Variants in DNM3 observed in about 807,000 individuals in gnomAD.
DNM3 encodes the protein dynamin 3.
DNM3 carries 47 observed loss-of-function variants against 101.6 expected under a neutral mutation model. The ratio of observed to expected loss-of-function variants is 0.46; its 90% CI spans 0.37 to 0.59. The LOEUF is 0.59. Among genes scored for constraint, DNM3 ranks in the 20% least tolerant of loss-of-function variants. The probability of loss-of-function intolerance (pLI) is 0.00; values close to 1 mark genes in which losing one functional copy is unlikely to be tolerated. For synonymous variants in DNM3, 385 were observed against 387.9 expected, an observed-to-expected ratio of 0.99 and a Z score of 0.09; for missense variants, 849 against 1,085.7, an observed-to-expected ratio of 0.78 and a Z score of 3.06.
intron 1 of DNM3, among the ~76,000 whole-genome samples, chr1:171,897,289 C>G (rs1057496163): frequency 6.6e-6 from 1 of 152,172 alleles, no homozygotes; most frequent in Non-Finnish European, 1.5e-5. Context: ...GAACACCAAA[C>G]AAAGTTTTCA....
chr1:172,334,246 G>A (rs2066320000), intron 17 of DNM3, among the ~76,000 whole-genome samples: 1 of 152,104 alleles, frequency 6.6e-6, no homozygotes, highest in African/African-American at 2.4e-5. Flanking sequence ...AATTTAAGTG[G>A]AGCCATCATA....
chr1:172,066,969 TGTG>T (rs1385237554), intron 10 of DNM3, among the ~76,000 whole-genome samples: 2 of 151,852 alleles, frequency 1.3e-5, no homozygotes, highest in Non-Finnish European at 2.9e-5. Flanking sequence ...TGTGTGTGTG[TGTG>T]TGTTTGTGTG....
intron 1 of DNM3, among the ~76,000 whole-genome samples, chr1:171,857,716 T>G (rs1206460457): frequency 2.0e-5 from 3 of 152,220 alleles, no homozygotes; most frequent in Admixed American, 2.0e-4. Context: ...CACAGTATCT[T>G]GAATGATAGT....
At chr1:171,938,641 G>A (rs1448974856) in intron 2 of DNM3, among the ~76,000 whole-genome samples, 3 of 152,166 alleles carry the variant, frequency 2.0e-5, no homozygotes, top group Non-Finnish European at 4.4e-5. Context: ...TGGACACAAT[G>A]TAATAAATAA....
intron 15 of DNM3, among the ~76,000 whole-genome samples, chr1:172,295,242 A>G (rs879451913): frequency 1.3e-5 from 2 of 152,204 alleles, no homozygotes; most frequent in Admixed American, 6.5e-5. Context: ...ACTTTGAACT[A>G]TAAGGCCAAC....
chr1:172,244,749 T>G (rs1241784708), intron 14 of DNM3, among the ~76,000 whole-genome samples: 1 of 152,096 alleles, frequency 6.6e-6, no homozygotes, highest in Non-Finnish European at 1.5e-5. Flanking sequence ...ACTTTTACAC[T>G]GTTGGTGGGA....
chr1:172,124,321 C>T (rs1350032360), intron 13 of DNM3, among the ~76,000 whole-genome samples: 3 of 152,124 alleles, frequency 2.0e-5, no homozygotes, highest in Non-Finnish European at 4.4e-5. Context: ...GGAAAGCCAT[C>T]TATGTGCATA....
At chr1:172,231,347 C>T (rs1262401501) in intron 14 of DNM3, among the ~76,000 whole-genome samples, 1 of 152,070 alleles carries the variant, frequency 6.6e-6, no homozygotes, top group Non-Finnish European at 1.5e-5. Flanking sequence ...CTGGAGTGGA[C>T]CTCCAGCAAA....
chr1:172,228,453 G>A (rs2061217685), intron 14 of DNM3, among the ~76,000 whole-genome samples: 1 of 151,990 alleles, frequency 6.6e-6, no homozygotes, highest in Admixed American at 6.6e-5. Context: ...TTTACCACAG[G>A]CTTCTGTTGT....
chr1:171,978,540 G>A (rs1273521523), intron 2 of DNM3, among the ~76,000 whole-genome samples: 1 of 152,158 alleles, frequency 6.6e-6, no homozygotes, highest in African/African-American at 2.4e-5. Context: ...ATGGGTGGCA[G>A]ACTGTATCGG....
chr1:171,856,472 C>G (rs2033622821), intron 1 of DNM3, among the ~76,000 whole-genome samples: 1 of 152,108 alleles, frequency 6.6e-6, no homozygotes, highest in South Asian at 2.1e-4. Context: ...GCAATATGGC[C>G]ATTTTAATGA....
intron 13 of DNM3, among the ~76,000 whole-genome samples, chr1:172,130,857 T>A (rs1032679340): frequency 1.4e-4 from 21 of 152,178 alleles, no homozygotes; most frequent in African/African-American, 5.1e-4. Context: ...TATGTTTTAA[T>A]TGTAGCAACA....
chr1:172,136,895 A>G (rs1006997957), intron 14 of DNM3: 6 of 152,172 alleles, frequency 3.9e-5, no homozygotes, highest in African/African-American at 7.2e-5. Context: ...TACATACAAA[A>G]CATTCTTTCA....
intron 14 of DNM3, among the ~76,000 whole-genome samples, chr1:172,154,014 G>A (rs1008185743): frequency 4.6e-5 from 7 of 150,982 alleles, no homozygotes; most frequent in Non-Finnish European, 8.8e-5. Context: ...CCATTCATTC[G>A]TTCATTCATT....
intron 10 of DNM3, among the ~76,000 whole-genome samples, chr1:172,048,993 G>A (rs1050696153): frequency 4.6e-5 from 7 of 152,140 alleles, no homozygotes; most frequent in African/African-American, 1.7e-4. Context: ...TTTTCCCCAT[G>A]TTGTCTTAAA....
intron 16 of DNM3, among the ~76,000 whole-genome samples, chr1:172,315,001 A>C (rs2065260407): frequency 6.6e-6 from 1 of 152,216 alleles, no homozygotes; most frequent in South Asian, 2.1e-4. Flanking sequence ...CAGTAGGGGC[A>C]GACTGACACC....
chr1:172,148,094 T>C (rs979897232), intron 14 of DNM3, among the ~76,000 whole-genome samples: 1 of 152,090 alleles, frequency 6.6e-6, no homozygotes, highest in African/African-American at 2.4e-5. Context: ...CTCAGAAGGA[T>C]ATTGTCAACC....
chr1:172,024,548 G>A (rs752267994), intron 4 of DNM3, among the ~76,000 whole-genome samples: 6 of 152,238 alleles, frequency 3.9e-5, no homozygotes, highest in Admixed American at 2.0e-4. Flanking sequence ...GTGTGCAGCT[G>A]CCAGTGAGAT....
intron 15 of DNM3, among the ~76,000 whole-genome samples, chr1:172,260,590 C>G (rs1302119014): frequency 6.6e-6 from 1 of 151,872 alleles, no homozygotes; most frequent in Non-Finnish European, 1.5e-5. Context: ...CTTTCTCCTG[C>G]TTGTTCTGTC....
Sources: gnomAD v4.1 joint callset for allele counts (sites outside exome capture counted in the v4.1 genomes callset) on GRCh38, gnomAD v4.1.1 for gene constraint, MANE v1.5 for transcripts, NCBI Gene and HGNC (gene_info 2026-07-23, HGNC 2026-07-21) for gene names.